CRYBG1: variants seen among roughly 807,000 people sequenced by gnomAD.
The protein encoded by CRYBG1 is beta/gamma crystallin domain-containing protein 1.
A neutral mutation model predicts 189.2 loss-of-function variants in CRYBG1; 139 were observed. The ratio of observed to expected loss-of-function variants is 0.73; its 90% CI spans 0.64 to 0.85. CRYBG1 has a LOEUF of 0.85. Among genes scored for constraint, CRYBG1 ranks in the 40% least tolerant of loss-of-function variants. The pLI is 0.00. For missense variants in CRYBG1, 2,611 were observed against 2,675.8 expected (o/e 0.98, Z 0.53); for synonymous variants, 1,023 against 1,017.1 (o/e 1.01, Z -0.11).
chr6:106,457,276 C>G (rs1028222449), intron 2 of CRYBG1: 3 of 152,140 alleles, frequency 2.0e-5, no homozygotes, highest in Non-Finnish European at 4.4e-5. Context: ...ACCGAACATG[C>G]TAATGTGCTA....
Position 106,520,092 on chromosome 6 carries a change from C to T in CRYBG1, c.2884C>T (p.Leu962Phe). The T allele has an allele frequency of 3.1e-6, 5 of 1,614,154 alleles. No individual in the cohort carries two copies. The highest frequency in any genetic ancestry group is 4.2e-6 in the Non-Finnish European group (5 of 1,180,026). ...CCTCGTCCAGGTCAGGTCCTTCGTG[C>T]TCCCCGTGGAGAGCACCCAGGATGT... Reference protein sequence around the residue: ...RVLVQVRSFVLPVESTQDVSS... With the variant: ...RVLVQVRSFVFPVESTQDVSS... Residue 962 changes from leucine (L) to phenylalanine (F), a missense_variant, in exon 4 of 22, where the codon CTC becomes TTC. Around this residue, in one of 3 missense-constraint regions of CRYBG1, gnomAD observed 1,622 missense variants for 1,735.0 expected, o/e 0.93. Coordinates refer to ENST00000633556, the MANE Select transcript of CRYBG1 (RefSeq NM_001371242.2).
intron 1 of CRYBG1, among the ~76,000 whole-genome samples, chr6:106,416,125 T>G (rs2114380230): frequency 6.6e-6 from 1 of 152,214 alleles, no homozygotes; most frequent in East Asian, 1.9e-4. Flanking sequence ...GCTTTCAAAG[T>G]TCTCCTGGCA....
At chr6:106,555,149 A>G (rs1266142274) in intron 16 of CRYBG1, among the ~76,000 whole-genome samples, 2 of 150,262 alleles carry the variant, frequency 1.3e-5, no homozygotes, top group Admixed American at 6.7e-5. Context: ...TGTGTGACAG[A>G]GCGAGATTCT....
chr6:106,544,562 A>T lies in CRYBG1; in HGVS notation c.5040-9A>T. The T allele has an allele frequency of 6.2e-7, 1 of 1,612,518 alleles. No homozygotes were observed. The highest frequency in any genetic ancestry group is 8.5e-7 in the Non-Finnish European group (1 of 1,179,370). On this transcript the variant is annotated splice_polypyrimidine_tract_variant and intron_variant, in intron 11 of 21. Coordinates refer to ENST00000633556, the MANE Select transcript of CRYBG1 (RefSeq NM_001371242.2). The stretch of plus-strand genomic sequence containing the variant: ...GAAATGACTACTCCTCGTGTTCTTT[A>T]TGTTGCAGTTGGGTTGCATATGAGA...
intron 1 of CRYBG1, among the ~76,000 whole-genome samples, chr6:106,413,780 C>T (rs1336907047): frequency 1.3e-5 from 2 of 152,060 alleles, no homozygotes; most frequent in Non-Finnish European, 2.9e-5. Flanking sequence ...TTTGGATTTG[C>T]TCCATCACAA....
chr6:106,396,689 T>C (rs1338633785), intron 1 of CRYBG1, among the ~76,000 whole-genome samples: 2 of 152,178 alleles, frequency 1.3e-5, no homozygotes, highest in African/African-American at 4.8e-5. Flanking sequence ...CACCTGCTAT[T>C]GAAACATAGA....
chr6:106,431,679 C>T (rs1200591203), intron 1 of CRYBG1, among the ~76,000 whole-genome samples: 1 of 152,152 alleles, frequency 6.6e-6, no homozygotes, highest in African/African-American at 2.4e-5. Context: ...ACAGAAATGG[C>T]CACACTGTTT....
At chr6:106,400,857 A>G (rs1245959991) in intron 1 of CRYBG1, among the ~76,000 whole-genome samples, 1 of 152,216 alleles carries the variant, frequency 6.6e-6, no homozygotes, top group Non-Finnish European at 1.5e-5. Flanking sequence ...CATGTGAACT[A>G]AGTCGCAAAG....
At chr6:106,553,130 C>T (rs748774103) in intron 15 of CRYBG1, among the ~76,000 whole-genome samples, 2 of 152,214 alleles carry the variant, frequency 1.3e-5, no homozygotes, top group African/African-American at 2.4e-5. Flanking sequence ...TCGTTAATGT[C>T]AGAACTGATG....
intron 2 of CRYBG1, among the ~76,000 whole-genome samples, chr6:106,472,536 CATTATT>C (rs908286731): frequency 1.3e-5 from 2 of 151,714 alleles, no homozygotes; most frequent in African/African-American, 4.8e-5. Context: ...GATTCATGAT[CATTATT>C]ATTATTATAG....
intron 7 of CRYBG1, 88 bp from the exon 8 acceptor site, chr6:106,530,088 A>T (rs1300062121): frequency 8.3e-7 from 1 of 1,207,364 alleles, no homozygotes; most frequent in Non-Finnish European, 1.1e-6. Flanking sequence ...GCTCATTTTG[A>T]TTAGTTGTAA....
At chr6:106,483,378 G>GTGTGTA (rs1347885031) in intron 2 of CRYBG1, among the ~76,000 whole-genome samples, 21 of 113,812 alleles carry the variant, frequency 1.8e-4, no homozygotes, top group Middle Eastern at 4.4e-3. Context: ...GTGTGTGTGT[G>GTGTGTA]TATATATATA....
At chr6:106,452,421 CAA>C (rs33972717) in intron 2 of CRYBG1, among the ~76,000 whole-genome samples, 15,268 of 125,438 alleles carry the variant, frequency 0.12, 884 homozygotes, top group African/African-American at 0.17. Flanking sequence ...GAGACTGTCT[CAA>C]AAAAAAAAAA....
intron 1 of CRYBG1, among the ~76,000 whole-genome samples, chr6:106,444,820 G>A (rs1464304274): frequency 3.3e-5 from 5 of 152,126 alleles, no homozygotes; most frequent in Non-Finnish European, 7.4e-5. Context: ...CAGCATATTG[G>A]GAGATGGCTC....
At chr6:106,362,864 T>A (rs990316797) in intron 1 of CRYBG1, among the ~76,000 whole-genome samples, 11 of 152,202 alleles carry the variant, frequency 7.2e-5, no homozygotes, top group African/African-American at 2.7e-4. Flanking sequence ...CCTTTTAAGA[T>A]CTAGTCTTAT....
chr6:106,428,739 CAAAG>C (rs893945231), intron 1 of CRYBG1, among the ~76,000 whole-genome samples: 1 of 152,148 alleles, frequency 6.6e-6, no homozygotes, highest in African/African-American at 2.4e-5. Flanking sequence ...TCTAGGAACA[CAAAG>C]AAAATATTTG....
At chr6:106,484,509 A>G (rs1448727067) in intron 2 of CRYBG1, among the ~76,000 whole-genome samples, 1 of 152,006 alleles carries the variant, frequency 6.6e-6, no homozygotes, top group Non-Finnish European at 1.5e-5. Flanking sequence ...TTGTAGAGAC[A>G]GGGTCTTGCC....
Position 106,520,077 on chromosome 6 carries a change from G to T in CRYBG1, c.2869G>T (p.Val957Phe), listed in dbSNP as rs1405861655. 1.9e-6 allele frequency: 3 copies of T among 1,614,038 alleles called. No individual in the cohort carries two copies. The highest frequency in any genetic ancestry group is 4.5e-5 in the East Asian group (2 of 44,892). The stretch of plus-strand genomic sequence containing the variant: ...GTGTCCATCCAGAGTCCTCGTCCAG[G>T]TCAGGTCCTTCGTGCTCCCCGTGGA... ...SECPSRVLVQVRSFVLPVEST... is the reference protein window; with the variant it reads ...SECPSRVLVQFRSFVLPVEST... Residue 957 changes from valine (V) to phenylalanine (F), a missense_variant, in exon 4 of 22, where the codon GTC (valine) becomes TTC (phenylalanine). Around this residue, in one of 3 missense-constraint regions of CRYBG1, gnomAD observed 1,622 missense variants for 1,735.0 expected, o/e 0.93. Coordinates refer to ENST00000633556, the MANE Select transcript of CRYBG1 (RefSeq NM_001371242.2).
Position 106,519,233 on chromosome 6 carries a change from C to T in CRYBG1, c.2025C>T (p.Gly675=). The T allele has an allele frequency of 5.6e-6, 9 of 1,614,048 alleles. No individual in the cohort carries two copies. The highest frequency in any genetic ancestry group is 7.6e-6 in the Non-Finnish European group (9 of 1,180,024). ...HNPFSQPVHK[G]NTATKISLFE... The stretch of plus-strand genomic sequence containing the variant: ...CATTTAGCCAGCCAGTTCACAAAGG[C>T]AACACTGCCACCAAAATCTCCTTAT... Residue 675 remains glycine, a synonymous_variant, in exon 4 of 22, where the codon GGC becomes GGT. Coordinates refer to ENST00000633556, the MANE Select transcript of CRYBG1 (RefSeq NM_001371242.2).
Sources: allele counts gnomAD v4.1 joint callset (sites outside exome capture counted in the v4.1 genomes callset), GRCh38; gene constraint gnomAD v4.1.1; regional missense constraint gnomAD v4.1.1; transcripts MANE v1.5; gene names NCBI Gene and HGNC (gene_info 2026-07-23, HGNC 2026-07-21).